The following PREP variants were observed in gnomAD, a reference collection of about 807,000 sequenced individuals.
PREP encodes the protein dJ355L5.1 (prolyl endopeptidase).
PREP carries 29 observed loss-of-function variants against 87.6 expected under a neutral mutation model. The ratio of observed to expected loss-of-function variants is 0.33; its 90% CI spans 0.25 to 0.45. The LOEUF (loss-of-function observed/expected upper bound fraction) is 0.45, where lower values mean the gene tolerates loss of function less well. Ranked by LOEUF, PREP falls within the 20% of genes least tolerant of loss-of-function variation. The pLI, the probability that PREP is intolerant of heterozygous loss-of-function variation, is 1.00. For synonymous variants in PREP, 337 were observed against 328.6 expected (o/e 1.03, Z -0.28); for missense variants, 695 against 886.5 (o/e 0.78, Z 2.74).
At chr6:105,343,744 T>C (rs1771723003) in intron 7 of PREP, among the ~76,000 whole-genome samples, 1 of 152,146 alleles carries the variant, frequency 6.6e-6, no homozygotes, top group Non-Finnish European at 1.5e-5. Flanking sequence ...AGAAGACATT[T>C]ATGCAGCCAA....
chr6:105,331,963 G>A (rs1057107962), intron 8 of PREP, among the ~76,000 whole-genome samples: 3 of 152,126 alleles, frequency 2.0e-5, no homozygotes, highest in Admixed American at 1.3e-4. Flanking sequence ...TAACGGGACT[G>A]TGCCTGGAAA....
chr6:105,389,991 C>T (rs905044440), intron 2 of PREP, among the ~76,000 whole-genome samples: 1 of 152,128 alleles, frequency 6.6e-6, no homozygotes, highest in Non-Finnish European at 1.5e-5. Flanking sequence ...CTTTGTTCTC[C>T]GCTGATCTCT....
At chr6:105,281,558 G>A in intron 14 of PREP, 188 bp downstream of exon 14, 1 of 662,908 alleles carries the variant, frequency 1.5e-6, no homozygotes, top group Non-Finnish European at 2.3e-6. Flanking sequence ...ATTTTTTGTA[G>A]TTTGTTGCTT....
intron 1 of PREP, among the ~76,000 whole-genome samples, chr6:105,400,276 G>C (rs1459678242): frequency 1.3e-5 from 2 of 152,100 alleles, no homozygotes; most frequent in African/African-American, 4.8e-5. Context: ...ACTTAATCCT[G>C]TTCGATATTT....
chr6:105,369,833 AC>A (rs1242167938), intron 5 of PREP, among the ~76,000 whole-genome samples: 1 of 152,208 alleles, frequency 6.6e-6, no homozygotes, highest in African/African-American at 2.4e-5. Context: ...AAACAAACAA[AC>A]AAAAAAACGA....
chr6:105,327,839 C>T (rs933418943), intron 9 of PREP, among the ~76,000 whole-genome samples: 2 of 152,154 alleles, frequency 1.3e-5, no homozygotes, highest in Non-Finnish European at 2.9e-5. Flanking sequence ...GCTAACTGAG[C>T]CAGACTCCTG....
chr6:105,385,709 CACTT>C (rs1170115284), intron 2 of PREP, among the ~76,000 whole-genome samples: 9 of 152,182 alleles, frequency 5.9e-5, no homozygotes, highest in Admixed American at 5.9e-4. Context: ...ATTTATTAAG[CACTT>C]ACTATGTGCC....
chr6:105,310,319 C>T (rs1770734342), intron 10 of PREP, among the ~76,000 whole-genome samples: 1 of 152,116 alleles, frequency 6.6e-6, no homozygotes, highest in Admixed American at 6.5e-5. Flanking sequence ...ATAGCTAATT[C>T]TCCCCATCTT....
At chr6:105,324,343 C>T (rs1298322755) in intron 9 of PREP, among the ~76,000 whole-genome samples, 2 of 152,180 alleles carry the variant, frequency 1.3e-5, no homozygotes, top group African/African-American at 4.8e-5. Context: ...TTCAAAATTG[C>T]TTTTCCAATT....
intron 6 of PREP, among the ~76,000 whole-genome samples, chr6:105,360,042 A>G (rs1160105184): frequency 1.3e-5 from 2 of 152,236 alleles, no homozygotes; most frequent in East Asian, 3.8e-4. Context: ...TGCAGTGTGT[A>G]CAACACAGCC....
intron 2 of PREP, among the ~76,000 whole-genome samples, chr6:105,383,618 C>T (rs762766000): frequency 5.9e-5 from 9 of 152,164 alleles, no homozygotes; most frequent in Non-Finnish European, 1.2e-4. Context: ...ACATGATCAG[C>T]AGACTAGGCG....
chr6:105,374,112 C>A (rs1772625068), intron 4 of PREP, among the ~76,000 whole-genome samples: 1 of 152,150 alleles, frequency 6.6e-6, no homozygotes, highest in African/African-American at 2.4e-5. Flanking sequence ...CACTGTCTGA[C>A]CATTACAAGC....
chr6:105,342,281 A>C (rs1173049855), intron 7 of PREP, among the ~76,000 whole-genome samples: 5 of 152,300 alleles, frequency 3.3e-5, no homozygotes, highest in African/African-American at 1.2e-4. Context: ...CAAAGACAAA[A>C]ACCACGATTA....
chr6:105,382,699 C>A (rs778177207), intron 2 of PREP, among the ~76,000 whole-genome samples: 4 of 150,476 alleles, frequency 2.7e-5, no homozygotes, highest in Non-Finnish European at 5.9e-5. Flanking sequence ...AAAGGGGAAG[C>A]TACTTCCAGG....
At chr6:105,341,809 G>A (rs993740528) in intron 7 of PREP, among the ~76,000 whole-genome samples, 16 of 152,096 alleles carry the variant, frequency 1.1e-4, no homozygotes, top group African/African-American at 3.6e-4. Flanking sequence ...TTAATTCCTG[G>A]ACACACACGC....
intron 11 of PREP, 118 bp from the exon 12 acceptor site, chr6:105,285,698 G>C: frequency 1.4e-6 from 1 of 729,684 alleles, no homozygotes; most frequent in African/African-American, 1.8e-5. Flanking sequence ...CATCTCAATA[G>C]GAGCTTGACA....
intron 10 of PREP, chr6:105,302,659 C>T (rs1178136651): frequency 1.7e-5 from 8 of 477,752 alleles, no homozygotes; most frequent in Admixed American, 4.8e-5. Flanking sequence ...GGTGAGAACA[C>T]GGGCAATGGA....
intron 12 of PREP, 120 bp downstream of exon 12, chr6:105,285,366 T>C (rs1770170363): frequency 2.3e-6 from 2 of 870,148 alleles, no homozygotes; most frequent in Non-Finnish European, 1.8e-6. Context: ...TTGTTTTTCA[T>C]TCGTCTAGCC....
intron 2 of PREP, among the ~76,000 whole-genome samples, chr6:105,392,051 T>G (rs1048005544): frequency 2.7e-5 from 4 of 150,586 alleles, no homozygotes; most frequent in African/African-American, 9.8e-5. Context: ...ATCTTTTTTT[T>G]TTTTTTTTTT....
Sources: gnomAD v4.1 joint callset for allele counts (sites outside exome capture counted in the v4.1 genomes callset) on GRCh38, gnomAD v4.1.1 for gene constraint, MANE v1.5 for transcripts, NCBI Gene and HGNC (gene_info 2026-07-23, HGNC 2026-07-21) for gene names.